F13A1: variants seen among roughly 807,000 people sequenced by gnomAD.
F13A1 encodes the protein FSF, A subunit.
Under a neutral mutation model 80.1 loss-of-function variants are expected in F13A1, and 47 were observed. The ratio of observed to expected loss-of-function variants is 0.59; its 90% CI spans 0.46 to 0.75. The LOEUF is 0.75. Ranked by LOEUF, F13A1 falls within the 30% of genes least tolerant of loss-of-function variation. F13A1 has a pLI of 0.00. For synonymous variants in F13A1, 349 were observed against 344.9 expected, an observed-to-expected ratio of 1.01 and a Z score of -0.13; for missense variants, 817 against 930.4, an observed-to-expected ratio of 0.88 and a Z score of 1.59.
chr6:6,186,294 G>C (rs1374478178), intron 10 of F13A1, among the ~76,000 whole-genome samples: 7 of 151,844 alleles, frequency 4.6e-5, no homozygotes, highest in East Asian at 1.9e-4. Context: ...TGAAGTCCTT[G>C]CCCATGCCTA....
In F13A1 at chr6:6,145,280, C is replaced by A. The variant is rs1760255945; in HGVS notation, c.*339G>T. 2.8e-6 allele frequency: 1 copy of A among 351,976 alleles called. No individual in the cohort carries two copies. The highest frequency in any genetic ancestry group is 5.5e-6 in the Non-Finnish European group (1 of 182,408). 21.8% of individuals were successfully genotyped at this position (351,976 alleles called of 1,614,324 possible). A position where few individuals can be genotyped will look rare whatever the true frequency, so the allele number is the denominator to read the frequency against. On this transcript the variant is annotated 3_prime_UTR_variant, in exon 15 of 15. Transcript: ENST00000264870. ...GTTTTAAATGAGGCCAGGTATTGAG[C>A]AAATCTCCCTGGTAAGAGAGCCCAC...
chr6:6,145,491 GGA>G lies in F13A1; in HGVS notation c.*126_*127del. On this transcript the variant is annotated 3_prime_UTR_variant, in exon 15 of 15. Coordinates refer to ENST00000264870, the MANE Select transcript of F13A1 (RefSeq NM_000129.4). ...TTGAAATATGTGGGATCTCCACTCTGGAGCCCTCTGCAGTCCTGTCTGGGTCT... is the reference window on the plus strand; with the variant it reads ...TTGAAATATGTGGGATCTCCACTCTGGCCCTCTGCAGTCCTGTCTGGGTCT... The G allele has an allele frequency of 8.6e-7, 1 of 1,169,288 alleles. No homozygotes were observed. The highest frequency in any genetic ancestry group is 1.3e-6 in the Non-Finnish European group (1 of 784,460). 72.4% of individuals were successfully genotyped at this position (1,169,288 alleles called of 1,614,324 possible).
chr6:6,190,704 G>A (rs1484148656), intron 10 of F13A1, among the ~76,000 whole-genome samples: 2 of 151,890 alleles, frequency 1.3e-5, no homozygotes, highest in Non-Finnish European at 2.9e-5. Context: ...CCCCAGAGGT[G>A]GAGCCTACAG....
intron 6 of F13A1, among the ~76,000 whole-genome samples, chr6:6,245,774 A>T (rs1376788706): frequency 6.6e-6 from 1 of 152,178 alleles, no homozygotes; most frequent in African/African-American, 2.4e-5. Flanking sequence ...CCCAGCAGCA[A>T]GTGCCCTCAG....
At chr6:6,308,606 CT>C (rs770570204) in intron 2 of F13A1, among the ~76,000 whole-genome samples, 8,615 of 88,742 alleles carry the variant, frequency 0.097, 110 homozygotes, top group South Asian at 0.17. Flanking sequence ...AAAACACATT[CT>C]TTTTTTTTTT....
chr6:6,217,734 T>C (rs1255586896), intron 8 of F13A1, among the ~76,000 whole-genome samples: 2 of 152,034 alleles, frequency 1.3e-5, no homozygotes, highest in Non-Finnish European at 2.9e-5. Context: ...AATCTCAATT[T>C]CAAAAATGCA....
intron 2 of F13A1, among the ~76,000 whole-genome samples, chr6:6,316,101 A>G (rs1487882068): frequency 3.5e-4 from 11 of 31,038 alleles, no homozygotes; most frequent in South Asian, 1.1e-3. Flanking sequence ...ATATATATAT[A>G]TATATATATA....
intron 3 of F13A1, among the ~76,000 whole-genome samples, chr6:6,273,337 G>C (rs1055433876): frequency 6.6e-6 from 1 of 152,162 alleles, no homozygotes; most frequent in Non-Finnish European, 1.5e-5. Flanking sequence ...TCTGCAAATG[G>C]CAAGCCCCAC....
intron 3 of F13A1, among the ~76,000 whole-genome samples, chr6:6,274,423 A>C (rs1482489127): frequency 6.6e-6 from 1 of 152,176 alleles, no homozygotes; most frequent in African/African-American, 2.4e-5. Context: ...TAAGGCTGTC[A>C]CCTGATGCTG....
At chr6:6,314,390 A>G (rs1469558341) in intron 2 of F13A1, among the ~76,000 whole-genome samples, 1 of 152,154 alleles carries the variant, frequency 6.6e-6, no homozygotes, top group African/African-American at 2.4e-5. Flanking sequence ...AAGGCCTGGT[A>G]TGGTGTGATG....
chr6:6,245,126 T>A (rs963354141), intron 6 of F13A1, among the ~76,000 whole-genome samples: 6 of 152,142 alleles, frequency 3.9e-5, no homozygotes, highest in Non-Finnish European at 8.8e-5. Context: ...AAGATAGGGA[T>A]GTCGTTAAAC....
intron 4 of F13A1, among the ~76,000 whole-genome samples, chr6:6,260,415 A>G (rs2113115759): frequency 6.6e-6 from 1 of 152,272 alleles, no homozygotes; most frequent in East Asian, 1.9e-4. Context: ...ATTTCTGGAA[A>G]CAGTTTTCCT....
intron 13 of F13A1, among the ~76,000 whole-genome samples, chr6:6,153,423 G>A (rs1280632511): frequency 1.3e-5 from 2 of 152,048 alleles, no homozygotes; most frequent in East Asian, 1.9e-4. Context: ...ATTATATATC[G>A]ATTAAAAGAA....
intron 8 of F13A1, among the ~76,000 whole-genome samples, chr6:6,219,605 T>C (rs1583078291): frequency 1.3e-5 from 2 of 152,288 alleles, no homozygotes; most frequent in East Asian, 3.9e-4. Flanking sequence ...CATAGGAGTG[T>C]GGCTGTGGTG....
intron 10 of F13A1, among the ~76,000 whole-genome samples, chr6:6,187,844 A>G (rs2151079164): frequency 7.5e-6 from 1 of 132,728 alleles, no homozygotes; most frequent in South Asian, 2.8e-4. Flanking sequence ...CTGTGAATCC[A>G]TCTGGTCCTG....
At position 6,192,380 on chromosome 6, in the gene F13A1, A is replaced by T. The variant is rs1761216733; in HGVS notation, c.1305+3417T>A. 1.3e-5 allele frequency among the ~76,000 whole-genome samples: 2 copies of T among 152,280 alleles called. 1 individual carries two copies. Among genetic ancestry groups the T allele is most frequent in the South Asian group, 4.1e-4 (2 of 4,828 alleles). ...TTAGGAGGAGTTAGGAGGTAACTTT[A>T]TGGAGCTCAGTGTTGTACAGAGCTC... On this transcript the variant is annotated intron_variant, in intron 10 of 14. Coordinates refer to ENST00000264870, the MANE Select transcript of F13A1 (RefSeq NM_000129.4).
At chr6:6,178,826 G>A (rs1271658615) in intron 11 of F13A1, among the ~76,000 whole-genome samples, 1 of 152,230 alleles carries the variant, frequency 6.6e-6, no homozygotes, top group Non-Finnish European at 1.5e-5. Flanking sequence ...AGCAAAGGGA[G>A]TGAACAACAG....
In F13A1 at chr6:6,318,521, G is replaced by A. The variant is rs780790860; in HGVS notation, c.130+14C>T. ...CTGGACCCAGAGTGGTGGGGAAGGG[G>A]GGTATGCTCATACCTTGCAGGTTGA... On this transcript the variant is annotated intron_variant, in intron 2 of 14. Coordinates refer to ENST00000264870, the MANE Select transcript of F13A1 (RefSeq NM_000129.4). 4 of 1,609,856 alleles carry A rather than the reference G, an allele frequency of 2.5e-6. No individual in the cohort carries two copies. The highest frequency in any genetic ancestry group is 1.7e-5 in the Admixed American group (1 of 59,374).
At chr6:6,229,945 C>A (rs1282083934) in intron 6 of F13A1, among the ~76,000 whole-genome samples, 1 of 152,216 alleles carries the variant, frequency 6.6e-6, no homozygotes, top group Non-Finnish European at 1.5e-5. Flanking sequence ...GCCCTGGGAG[C>A]TTGCTAGGTC....
Sources: allele counts gnomAD v4.1 joint callset (sites outside exome capture counted in the v4.1 genomes callset), GRCh38; gene constraint gnomAD v4.1.1; transcripts MANE v1.5; gene names NCBI Gene and HGNC (gene_info 2026-07-23, HGNC 2026-07-21).